Variants in PCDHGA3 observed in about 807,000 individuals in gnomAD.
PCDHGA3 encodes the protein protocadherin gamma subfamily A, 3.
A neutral mutation model predicts 58.5 loss-of-function variants in PCDHGA3; 40 were observed. The observed-to-expected ratio is 0.68, with a 90% confidence interval of 0.53 to 0.89. The LOEUF (loss-of-function observed/expected upper bound fraction) is 0.89. PCDHGA3 is among the 40% of genes least tolerant of loss of function. The pLI is 0.00. For synonymous variants in PCDHGA3, 530 were observed against 525.7 expected, an observed-to-expected ratio of 1.01 and a Z score of -0.11; for missense variants, 1,223 against 1,195.9, an observed-to-expected ratio of 1.02 and a Z score of -0.33.
At chr5:141,484,857 G>C in intron 1 of PCDHGA3, 1 of 264,370 alleles carries the variant, frequency 3.8e-6, no homozygotes. Flanking sequence ...TTTTTGGGGG[G>C]TGGGGGAGCG....
chr5:141,489,380 A>T lies in PCDHGA3; in HGVS notation c.2425-5427A>T, dbSNP rs753226956. 1 of 1,613,874 alleles carries T rather than the reference A, an allele frequency of 6.2e-7. No homozygotes were observed. The highest frequency in any genetic ancestry group is 2.2e-5 in the East Asian group (1 of 44,872). On this transcript the variant is annotated intron_variant, in intron 1 of 3. Transcript: ENST00000253812. The surrounding 1 kb of genome is among the most constrained non-coding windows in gnomAD (Gnocchi z 4.5). ...TCTGAGCCGGGGACGCTGGTGGGGA[A>T]TGTTGCTCAGGATCTGGGCTTAAAG... is the stretch of plus-strand genomic sequence containing the variant.
At chr5:141,365,867 G>A in intron 1 of PCDHGA3, 2 of 1,614,096 alleles carry the variant, frequency 1.2e-6, no homozygotes, top group Non-Finnish European at 1.7e-6. Flanking sequence ...TGACACCGGT[G>A]TCCTGTATGC....
At chr5:141,371,369 A>C (rs1370186119) in intron 1 of PCDHGA3, 3 of 1,614,014 alleles carry the variant, frequency 1.9e-6, no homozygotes, top group Non-Finnish European at 2.5e-6. Context: ...AGGATGGTGG[A>C]CATCACACTG....
intron 1 of PCDHGA3, chr5:141,360,536 A>G (rs1213416174): frequency 6.2e-7 from 1 of 1,613,884 alleles, no homozygotes; most frequent in African/African-American, 1.3e-5. Flanking sequence ...CCGCTATTCA[A>G]ACAGACTAAG....
intron 1 of PCDHGA3, chr5:141,383,722 G>C (rs752091789): frequency 1.2e-6 from 2 of 1,613,934 alleles, no homozygotes; most frequent in East Asian, 4.5e-5. Flanking sequence ...GGGAGTCAAT[G>C]GGGAAGTGAC....
chr5:141,394,361 G>T (rs2092984834), intron 1 of PCDHGA3: 2 of 1,614,190 alleles, frequency 1.2e-6, no homozygotes, highest in Non-Finnish European at 1.7e-6. Context: ...TCCTGTATGC[G>T]CTGCAATCTT....
At chr5:141,359,119 G>T (rs1761122715) in intron 1 of PCDHGA3, among the ~76,000 whole-genome samples, 1 of 152,182 alleles carries the variant, frequency 6.6e-6, no homozygotes, top group Non-Finnish European at 1.5e-5. Flanking sequence ...GAAAGTTGTG[G>T]TGCAATACAT....
intron 1 of PCDHGA3, chr5:141,372,343 G>A: frequency 6.2e-7 from 1 of 1,613,790 alleles, no homozygotes; most frequent in Non-Finnish European, 8.5e-7. Context: ...CGTGATGGAG[G>A]ACAGCAGCCT....
intron 1 of PCDHGA3, chr5:141,417,540 A>G (rs1301087527): frequency 2.0e-5 from 6 of 301,520 alleles, no homozygotes; most frequent in Non-Finnish European, 3.6e-5. Context: ...TTTAAAAAAA[A>G]TTCCTTGAAA....
rs536902009 is a variant in PCDHGA3, at chr5:141,361,669, G to T, written c.2424+15212G>T. 2.5e-6 allele frequency: 4 copies of T among 1,613,692 alleles called. No individual in the cohort carries two copies. The African/African-American group carries it at 4.0e-5, about 16-fold the overall frequency. ...CTACGTGTCCGTGAGCGCGCAGAGC[G>T]GGGTGGTGTTCGCGCAGCGCGCCTT... On this transcript the variant is annotated intron_variant, in intron 1 of 3. Transcript: ENST00000253812.
At chr5:141,384,107 G>T in intron 1 of PCDHGA3, 3 of 1,602,850 alleles carry the variant, frequency 1.9e-6, no homozygotes, top group Non-Finnish European at 2.6e-6. Context: ...AATTATTATA[G>T]ATTGGTCACA....
intron 1 of PCDHGA3, chr5:141,350,398 G>A (rs1056572833): frequency 1.3e-6 from 2 of 1,599,976 alleles, no homozygotes; most frequent in Non-Finnish European, 1.7e-6. Flanking sequence ...CACGGGTGGG[G>A]AAACTTGCCA....
At chr5:141,389,635 A>G in intron 1 of PCDHGA3, 1 of 1,612,978 alleles carries the variant, frequency 6.2e-7, no homozygotes, top group Non-Finnish European at 8.5e-7. Flanking sequence ...GAGCCTGGCT[A>G]CTTGGTGACC....
chr5:141,355,378 G>A, intron 1 of PCDHGA3: 1 of 1,614,042 alleles, frequency 6.2e-7, no homozygotes, highest in South Asian at 1.1e-5. Flanking sequence ...CCGGGAGCTG[G>A]CGGAGCGCGG....
intron 1 of PCDHGA3, among the ~76,000 whole-genome samples, chr5:141,483,272 A>T (rs545719861): frequency 4.4e-4 from 67 of 152,196 alleles, no homozygotes; most frequent in African/African-American, 1.4e-3. Flanking sequence ...TGTTTTAGAA[A>T]TATTATTCTG....
At chr5:141,353,194 G>A (rs1270090950) in intron 1 of PCDHGA3, among the ~76,000 whole-genome samples, 3 of 152,050 alleles carry the variant, frequency 2.0e-5, no homozygotes, top group African/African-American at 7.2e-5. Context: ...GGCAAATCTT[G>A]CTAAAGAGAC....
chr5:141,397,893 G>T (rs1442552386), intron 1 of PCDHGA3: 4 of 650,466 alleles, frequency 6.1e-6, no homozygotes, highest in African/African-American at 5.5e-5. Flanking sequence ...GTTGGCCAAA[G>T]TGCAGAGCTT....
chr5:141,405,431 T>TGTTTTTGA (rs1428153443), intron 1 of PCDHGA3: 4 of 1,490,528 alleles, frequency 2.7e-6, no homozygotes, highest in Non-Finnish European at 2.7e-6. Flanking sequence ...TGTTTTGTTT[T>TGTTTTTGA]GTTTTTGAGA....
Position 141,346,298 on chromosome 5 carries a change from C to G in PCDHGA3, c.2265C>G (p.His755Gln). Residue 755 changes from histidine to glutamine, a missense_variant, in exon 1 of 4, where the codon CAC becomes CAG. Around this residue, in one of 3 missense-constraint regions of PCDHGA3, gnomAD observed 325 missense variants for 327.5 expected, o/e 0.99. Coordinates refer to ENST00000253812, the MANE Select transcript of PCDHGA3 (RefSeq NM_018916.4). ...GVRAFLQTYS[H>Q]EVSLTADSRK... Reference sequence around the variant, plus strand: ...GGGCTTTCCTGCAGACCTATTCCCACGAGGTCTCCCTCACTGCGGACTCGC... The same window carrying G: ...GGGCTTTCCTGCAGACCTATTCCCAGGAGGTCTCCCTCACTGCGGACTCGC... 1 of 1,614,236 alleles carries G rather than the reference C, an allele frequency of 6.2e-7. No individual in the cohort carries two copies. Among genetic ancestry groups the G allele is most frequent in the Non-Finnish European group, 8.5e-7 (1 of 1,180,034 alleles).
Sources: allele counts gnomAD v4.1 joint callset (sites outside exome capture counted in the v4.1 genomes callset), GRCh38; gene constraint gnomAD v4.1.1; regional missense constraint gnomAD v4.1.1; non-coding constraint Gnocchi (gnomAD v3.1); transcripts MANE v1.5; gene names NCBI Gene and HGNC (gene_info 2026-07-23, HGNC 2026-07-21).